Variants in GET1 observed in about 807,000 individuals in gnomAD.
GET1 encodes guided entry of tail-anchored proteins factor 1.
Under a neutral mutation model 22.6 loss-of-function variants are expected in GET1, and 20 were observed. The observed-to-expected ratio is 0.89, with a 90% CI of 0.62 to 1.29. The LOEUF (loss-of-function observed/expected upper bound fraction) is 1.29, where lower values mean the gene tolerates loss of function less well. Ranked by LOEUF, GET1 falls within the 50% of genes most tolerant of loss-of-function variation. The pLI is 0.00. For synonymous variants in GET1, 92 were observed against 83.8 expected, an observed-to-expected ratio of 1.10 and a Z score of -0.53; for missense variants, 209 against 219.9, an observed-to-expected ratio of 0.95 and a Z score of 0.31.
downstream of GET1, chr21:39,408,585 ACTCT>A (rs1244972160): frequency 6.6e-6 from 1 of 152,252 alleles, no homozygotes; most frequent in African/African-American, 2.4e-5. Flanking sequence ...GAAGTGTTGT[ACTCT>A]CTATCAAACC....
intron 1 of GET1, chr21:39,422,860 G>A (rs2074001573): frequency 6.4e-6 from 6 of 942,058 alleles, no homozygotes; most frequent in Non-Finnish European, 8.1e-6. Context: ...AGTGCAGCAC[G>A]CCAAGTGAAG....
At chr21:39,426,819 T>G (rs951948052) in intron 1 of GET1, among the ~76,000 whole-genome samples, 2 of 152,214 alleles carry the variant, frequency 1.3e-5, no homozygotes, top group Non-Finnish European at 2.9e-5. Context: ...AGTACTGGAC[T>G]TTTCATTTCC....
exon 5 of GET1, chr21:39,406,149 G>C: frequency 1.2e-6 from 2 of 1,614,172 alleles, no homozygotes; most frequent in Non-Finnish European, 1.7e-6. Context: ...CTTTTATTCT[G>C]GAAGACTTAC....
At chr21:39,395,653 T>C (rs2038594756) in intron 4 of GET1, among the ~76,000 whole-genome samples, 1 of 152,218 alleles carries the variant, frequency 6.6e-6, no homozygotes, top group African/African-American at 2.4e-5. Context: ...TGTGAGCCAC[T>C]GTGCCTGGCC....
At chr21:39,424,976 G>C (rs891526858) in intron 1 of GET1, among the ~76,000 whole-genome samples, 1 of 152,224 alleles carries the variant, frequency 6.6e-6, no homozygotes, top group Non-Finnish European at 1.5e-5. Context: ...AGGAAGTGGT[G>C]AGACAGAGCC....
chr21:39,410,045 TTA>T, downstream of GET1: 1 of 1,611,160 alleles, frequency 6.2e-7, no homozygotes, highest in Non-Finnish European at 8.5e-7. Context: ...ATTTCATGAT[TTA>T]TTTCAGTTGA....
At chr21:39,382,977 G>A (rs1357727997) in intron 1 of GET1, among the ~76,000 whole-genome samples, 2 of 151,836 alleles carry the variant, frequency 1.3e-5, no homozygotes, top group African/African-American at 2.4e-5. Flanking sequence ...TTGAGATGGA[G>A]TCTTGCTCCG....
intron 1 of GET1, among the ~76,000 whole-genome samples, chr21:39,389,308 G>T (rs2038141106): frequency 6.6e-6 from 1 of 151,516 alleles, no homozygotes; most frequent in South Asian, 2.1e-4. Context: ...TTGAGACAAG[G>T]TCTCACCCTG....
At chr21:39,422,679 T>C (rs2073963570) in intron 1 of GET1, 1 of 472,336 alleles carries the variant, frequency 2.1e-6, no homozygotes, top group Non-Finnish European at 3.7e-6. Flanking sequence ...AAAAGTCCCT[T>C]AGCACTGTAG....
rs963824497 is a variant in GET1, at chr21:39,418,448, C to G, written c.*23+7511C>G. On this transcript the variant is annotated intron_variant, in intron 1 of 1. Coordinates refer to the GET1 transcript ENST00000478273. Reference sequence around the variant, plus strand: ...TAGAATTTTCTATCTTTTCATTAAGCATTTCATTAAGTATTAAGCATTTCT... The same window carrying G: ...TAGAATTTTCTATCTTTTCATTAAGGATTTCATTAAGTATTAAGCATTTCT... 2.0e-5 allele frequency among the ~76,000 whole-genome samples: 3 copies of G among 152,006 alleles called. No homozygotes were observed. In the South Asian group the frequency reaches 6.2e-4, roughly 32 times the overall value.
Position 39,396,898 on chromosome 21 carries a change from T to A in GET1, c.484T>A (p.Cys162Ser). 1 of 1,614,106 alleles carries A rather than the reference T, an allele frequency of 6.2e-7. No individual in the cohort carries two copies. The highest frequency in any genetic ancestry group is 1.1e-5 in the South Asian group (1 of 91,062). ...GVGITCWILV[C>S]NKVVAIVLHP... ...TGGAATTACCTGTTGGATTTTAGTC[T>A]GTAACAAAGTTGTCGCTATTGTGCT... is the stretch of plus-strand genomic sequence containing the variant. The change falls in exon 5 of 5, where the codon TGT becomes AGT. Residue 162 changes from cysteine to serine, a missense_variant. Transcript: ENST00000649170.
chr21:39,418,103 G>A (rs1297667041), intron 1 of GET1, among the ~76,000 whole-genome samples: 1 of 152,000 alleles, frequency 6.6e-6, no homozygotes, highest in Non-Finnish European at 1.5e-5. Context: ...GATCTCATGA[G>A]ACTTATTCAC....
At chr21:39,427,047 C>T (rs2074847581) in intron 1 of GET1, among the ~76,000 whole-genome samples, 1 of 152,158 alleles carries the variant, frequency 6.6e-6, no homozygotes, top group Non-Finnish European at 1.5e-5. Context: ...TCTGGGTGTT[C>T]CAGAAGTGGC....
intron 4 of GET1, among the ~76,000 whole-genome samples, chr21:39,405,479 C>T (rs2038991714): frequency 6.6e-6 from 1 of 152,324 alleles, no homozygotes; most frequent in South Asian, 2.1e-4. Flanking sequence ...CAGGCAAGAA[C>T]CACTGCATCT....
intron 1 of GET1, chr21:39,420,891 T>G (rs769255553): frequency 2.1e-6 from 3 of 1,460,076 alleles, no homozygotes; most frequent in Non-Finnish European, 1.9e-6. Context: ...GTTAGTATGT[T>G]AAAAACTTCA....
intron 1 of GET1, chr21:39,423,372 C>T (rs771872757): frequency 6.2e-7 from 1 of 1,612,190 alleles, no homozygotes; most frequent in African/African-American, 1.3e-5. Flanking sequence ...TTTTATGAAG[C>T]CTTGCTGAGA....
rs186549381 is a variant in GET1 at position 39,418,289 on chromosome 21, A to G, written c.*23+7352A>G. 7.1e-3 allele frequency among the ~76,000 whole-genome samples: 1,081 copies of G among 152,252 alleles called. 13 individuals carry two copies. The highest frequency in any genetic ancestry group is 0.025 in the African/African-American group (1,042 of 41,548). On this transcript the variant is annotated intron_variant, in intron 1 of 1. Transcript: ENST00000478273. The stretch of plus-strand genomic sequence containing the variant: ...TTCGTTTGCCTTCCTTTCTTCACTT[A>G]CCAGTGTATCCTAGAGATTATTCCA...
chr21:39,421,176 C>T (rs901411636), intron 1 of GET1, among the ~76,000 whole-genome samples: 3 of 150,236 alleles, frequency 2.0e-5, no homozygotes, highest in Non-Finnish European at 4.4e-5. Context: ...GATCTCGGCT[C>T]ACTGCAGCCT....
intron 3 of GET1, 129 bp downstream of exon 3, chr21:39,391,965 CACATG>C (rs776552479): frequency 2.7e-5 from 22 of 824,138 alleles, no homozygotes; most frequent in Non-Finnish European, 4.3e-5. Context: ...TGTCCCTGCC[CACATG>C]GAGCTCTAAA....
Sources: allele counts gnomAD v4.1 joint callset (sites outside exome capture counted in the v4.1 genomes callset), GRCh38; gene constraint gnomAD v4.1.1; transcripts MANE v1.5; gene names NCBI Gene and HGNC (gene_info 2026-07-23, HGNC 2026-07-21).